The following PPARGC1A variants were observed in gnomAD, a reference collection of about 807,000 sequenced individuals.
PPARGC1A encodes the protein PPARG coactivator 1 alpha, also known as peroxisome proliferator-activated receptor gamma coactivator 1-alpha.
A neutral mutation model predicts 88.7 loss-of-function variants in PPARGC1A; 25 were observed. That is an observed-to-expected ratio of 0.28 (90% CI 0.21 to 0.39). The LOEUF is 0.39. Among genes scored for constraint, PPARGC1A ranks in the 10% least tolerant of loss-of-function variants. The probability of loss-of-function intolerance (pLI) is 1.00; values close to 1 mark genes in which losing one functional copy is unlikely to be tolerated. For synonymous variants in PPARGC1A, 363 were observed against 355.6 expected (o/e 1.02, Z -0.24); for missense variants, 880 against 968.7 (o/e 0.91, Z 1.22).
chr4:23,918,020 T>C, the PPARGC1A span, among the ~76,000 whole-genome samples: 1 of 152,212 alleles, frequency 6.6e-6, no homozygotes, highest in Non-Finnish European at 1.5e-5. Flanking sequence ...TGGATATCTA[T>C]GCTATGGCTC....
At chr4:24,349,334 G>T in the PPARGC1A span, among the ~76,000 whole-genome samples, 1 of 152,174 alleles carries the variant, frequency 6.6e-6, no homozygotes, top group East Asian at 1.9e-4. Context: ...TGTGGAGAGG[G>T]ACCAGCAGTG....
the PPARGC1A span, among the ~76,000 whole-genome samples, chr4:24,228,503 G>A: frequency 1.3e-5 from 2 of 152,042 alleles, no homozygotes; most frequent in African/African-American, 4.8e-5. Flanking sequence ...GGTGGGCAGG[G>A]TAGAAGGGAG....
the PPARGC1A span, among the ~76,000 whole-genome samples, chr4:24,154,941 T>C: frequency 6.6e-6 from 1 of 152,066 alleles, no homozygotes; most frequent in African/African-American, 2.4e-5. Context: ...CCTTGAGAAA[T>C]GTATCAGATA....
At chr4:24,125,630 G>A in the PPARGC1A span, among the ~76,000 whole-genome samples, 77 of 152,224 alleles carry the variant, frequency 5.1e-4, no homozygotes, top group African/African-American at 1.6e-3. Context: ...ATCTTTACAA[G>A]AGAGATCATC....
chr4:24,200,410 T>C, the PPARGC1A span, among the ~76,000 whole-genome samples: 1 of 149,368 alleles, frequency 6.7e-6, no homozygotes, highest in African/African-American at 2.5e-5. Flanking sequence ...ATTTGGGAGG[T>C]TGAGGCAAGA....
the PPARGC1A span, among the ~76,000 whole-genome samples, chr4:24,312,581 A>G: frequency 6.6e-6 from 1 of 150,726 alleles, no homozygotes; most frequent in African/African-American, 2.4e-5. Context: ...TAATTCTATG[A>G]ATATAGTCAC....
the PPARGC1A span, among the ~76,000 whole-genome samples, chr4:24,375,934 T>C: frequency 6.6e-6 from 1 of 152,052 alleles, no homozygotes; most frequent in Non-Finnish European, 1.5e-5. Context: ...CCACAGTGAC[T>C]TGCCATACCA....
At chr4:24,247,292 T>A in the PPARGC1A span, among the ~76,000 whole-genome samples, 1 of 152,194 alleles carries the variant, frequency 6.6e-6, no homozygotes, top group African/African-American at 2.4e-5. Context: ...GTATCATCTA[T>A]GCTAAGGCAA....
the PPARGC1A span, among the ~76,000 whole-genome samples, chr4:24,434,576 G>C: frequency 1.3e-5 from 2 of 152,162 alleles, no homozygotes; most frequent in African/African-American, 4.8e-5. Context: ...CTCAGGGTGG[G>C]GCCCCTGGAA....
At chr4:24,348,386 C>G in the PPARGC1A span, among the ~76,000 whole-genome samples, 1 of 152,162 alleles carries the variant, frequency 6.6e-6, no homozygotes, top group Non-Finnish European at 1.5e-5. Flanking sequence ...CTTGATTATT[C>G]CCCCAGACAT....
intron 7 of PPARGC1A, among the ~76,000 whole-genome samples, chr4:23,821,159 T>A (rs547853035): frequency 6.6e-6 from 1 of 152,188 alleles, no homozygotes; most frequent in South Asian, 2.1e-4. Context: ...ACATAACATA[T>A]GTCAATTACT....
Position 23,793,583 on chromosome 4 carries a change from C to T in PPARGC1A, c.*2239G>A, listed in dbSNP as rs1026110834. On this transcript the variant is annotated 3_prime_UTR_variant, in exon 13 of 13. Coordinates refer to ENST00000264867, the MANE Select transcript of PPARGC1A (RefSeq NM_013261.5). ...TGAGTAGTAGGTGTATCATGTCTTC[C>T]AGAAAAGTCATGTCAGCCAAACAGT... 1 of 152,182 alleles carries T rather than the reference C, an allele frequency of 6.6e-6. No homozygotes were observed. Among genetic ancestry groups the T allele is most frequent in the African/African-American group, 2.4e-5 (1 of 41,414 alleles). The allele number at this position is 152,182 out of a possible 1,614,324, so 9.4% of individuals were successfully genotyped here. A position where few individuals can be genotyped will look rare whatever the true frequency, so the allele number is the denominator to read the frequency against.
In PPARGC1A at chr4:23,795,219, C is replaced by T. The variant is rs1333312441; in HGVS notation, c.*603G>A. The T allele has an allele frequency of 2.0e-5, 3 of 149,534 alleles. No individual in the cohort carries two copies. The highest frequency in any genetic ancestry group is 6.7e-5 in the Admixed American group (1 of 14,936). 9.3% of individuals were successfully genotyped at this position (149,534 alleles called of 1,614,324 possible). ...ACAAAGGCTGATGCCCAGACATCAG[C>T]GGCTGTCATTTTAGGGTGGTTTGTG... On this transcript the variant is annotated 3_prime_UTR_variant, in exon 13 of 13. Transcript: ENST00000264867.
chr4:23,936,555 G>A, the PPARGC1A span, among the ~76,000 whole-genome samples: 1 of 152,250 alleles, frequency 6.6e-6, no homozygotes, highest in Non-Finnish European at 1.5e-5. Context: ...TGGGGAACAT[G>A]GACAAACCCC....
chr4:24,307,300 T>G, the PPARGC1A span, among the ~76,000 whole-genome samples: 1 of 152,232 alleles, frequency 6.6e-6, no homozygotes, highest in Non-Finnish European at 1.5e-5. Context: ...AAGTGACCCT[T>G]GGAATACAAA....
rs111425467 is a variant in PPARGC1A at position 23,898,992 on chromosome 4, C to T, written n.52+275G>A. Among the ~76,000 whole-genome samples, 410 of 152,102 alleles carry T rather than the reference C, an allele frequency of 2.7e-3. 1 individual carries two copies. Among genetic ancestry groups the T allele is most frequent in the African/African-American group, 9.4e-3 (388 of 41,494 alleles). The stretch of plus-strand genomic sequence containing the variant: ...CTGGGATTACAGGCGAGCACCACGA[C>T]GCCCGGCTAATTTTTTTTTTTGTAT... On this transcript the variant is annotated intron_variant and non_coding_transcript_variant, in intron 1 of 3. Transcript: ENST00000507342.
chr4:24,429,499 A>G, the PPARGC1A span, among the ~76,000 whole-genome samples: 2 of 152,162 alleles, frequency 1.3e-5, no homozygotes, highest in African/African-American at 4.8e-5. Flanking sequence ...GGGAAGGGAA[A>G]CAAATAACTC....
chr4:23,930,355 C>T, the PPARGC1A span, among the ~76,000 whole-genome samples: 1 of 152,142 alleles, frequency 6.6e-6, no homozygotes, highest in East Asian at 1.9e-4. Context: ...TGCTTTGCAC[C>T]ATCCAAGATG....
chr4:23,935,924 A>G, the PPARGC1A span, among the ~76,000 whole-genome samples: 7 of 152,184 alleles, frequency 4.6e-5, no homozygotes, highest in African/African-American at 1.4e-4. Context: ...TTGAGCCTAT[A>G]TATAAACAGC....
Sources: gnomAD v4.1 joint callset for allele counts (sites outside exome capture counted in the v4.1 genomes callset) on GRCh38, gnomAD v4.1.1 for gene constraint, MANE v1.5 for transcripts, NCBI Gene and HGNC (gene_info 2026-07-23, HGNC 2026-07-21) for gene names.